The following MYO3B variants were observed in gnomAD, a reference collection of about 807,000 sequenced individuals.
MYO3B encodes myosin-IIIb.
Under a neutral mutation model 174.6 loss-of-function variants are expected in MYO3B, and 156 were observed. The ratio of observed to expected loss-of-function variants is 0.89; its 90% confidence interval spans 0.78 to 1.02. The LOEUF is 1.02. MYO3B is among the 50% of genes least tolerant of loss of function. The pLI is 0.00. For missense variants in MYO3B, 1,632 were observed against 1,639.4 expected (o/e 1.00, Z 0.08); for synonymous variants, 563 against 569.1 (o/e 0.99, Z 0.15).
In MYO3B at chr2:170,278,961, C is replaced by A. The variant is rs543600781; in HGVS notation, c.749+42825C>A. Among the ~76,000 whole-genome samples the A allele has an allele frequency of 5.9e-5, 9 of 152,134 alleles. No homozygotes were observed. In the South Asian group the frequency reaches 1.7e-3, roughly 28 times the overall value. On this transcript the variant is annotated intron_variant, in intron 7 of 34. Transcript: ENST00000408978. ...CTACTGCAAGTGACAGGATTTTATT[C>A]TTTTTTTATGGCAGAATAATATTCC...
intron 3 of MYO3B, among the ~76,000 whole-genome samples, chr2:170,207,180 C>G (rs2092721801): frequency 6.6e-6 from 1 of 152,048 alleles, no homozygotes; most frequent in Non-Finnish European, 1.5e-5. Flanking sequence ...ACAGACACCC[C>G]CCTCCCAGAG....
At position 170,383,208 on chromosome 2, in the gene MYO3B, G is replaced by A; in HGVS notation, c.1185+19G>A. The stretch of plus-strand genomic sequence containing the variant: ...TCCACAGGTAAGGGATGTTTTAAGA[G>A]CATACTGCTCCTTAATAGGAAATTA... On this transcript the variant is annotated intron_variant, in intron 11 of 34. Coordinates refer to ENST00000408978, the MANE Select transcript of MYO3B (RefSeq NM_138995.5). 1.4e-6 allele frequency: 2 copies of A among 1,402,714 alleles called. No individual in the cohort carries two copies. Among genetic ancestry groups the A allele is most frequent in the South Asian group, 1.2e-5 (1 of 85,628 alleles). 86.9% of individuals were successfully genotyped at this position (1,402,714 alleles called of 1,614,324 possible).
In MYO3B at chr2:170,200,188, G is replaced by T. The variant is rs775392274; in HGVS notation, c.225G>T (p.Leu75Phe). 3.2e-5 allele frequency: 51 copies of T among 1,613,332 alleles called. 1 individual carries two copies. The South Asian group carries it at 4.5e-4, about 14-fold the overall frequency. Residue 75 changes from leucine to phenylalanine, a missense_variant, in exon 3 of 35, where the codon TTG becomes TTT. By Grantham distance (22) the Leu-to-Phe change is conservative. Coordinates refer to ENST00000408978, the MANE Select transcript of MYO3B (RefSeq NM_138995.5). ...DEEIEAEYNILQFLPNHPNVV... is the reference protein window; with the variant it reads ...DEEIEAEYNIFQFLPNHPNVV... Reference sequence around the variant, plus strand: ...AAATTGAGGCAGAATACAACATTTTGCAGTTCCTTCCTAATCATCCCAATG... The same window carrying T: ...AAATTGAGGCAGAATACAACATTTTTCAGTTCCTTCCTAATCATCCCAATG...
intron 28 of MYO3B, among the ~76,000 whole-genome samples, chr2:170,503,929 T>C (rs956598756): frequency 6.6e-6 from 1 of 152,232 alleles, no homozygotes; most frequent in East Asian, 1.9e-4. Context: ...TAGCAATCTT[T>C]GCAATTTTAT....
At chr2:170,216,169 T>A (rs1320089929) in intron 5 of MYO3B, among the ~76,000 whole-genome samples, 1 of 152,118 alleles carries the variant, frequency 6.6e-6, no homozygotes, top group Non-Finnish European at 1.5e-5. Flanking sequence ...AAATCTATGC[T>A]CATGTTTCAA....
intron 32 of MYO3B, among the ~76,000 whole-genome samples, chr2:170,611,667 C>T (rs1182248538): frequency 6.6e-6 from 1 of 152,150 alleles, no homozygotes; most frequent in Non-Finnish European, 1.5e-5. Flanking sequence ...AAAAAGAAGA[C>T]AGCATGTTAA....
At chr2:170,275,181 T>C (rs1326789764) in intron 7 of MYO3B, among the ~76,000 whole-genome samples, 1 of 152,200 alleles carries the variant, frequency 6.6e-6, no homozygotes, top group Non-Finnish European at 1.5e-5. Flanking sequence ...GATTATACTC[T>C]CCTGAGCAGG....
At chr2:170,405,156 G>A (rs1437111021) in intron 20 of MYO3B, among the ~76,000 whole-genome samples, 7 of 152,208 alleles carry the variant, frequency 4.6e-5, no homozygotes, top group Non-Finnish European at 1.0e-4. Flanking sequence ...TTGTGGCAGA[G>A]ATTCACTTTT....
intron 6 of MYO3B, among the ~76,000 whole-genome samples, chr2:170,221,682 G>C (rs1441953522): frequency 6.6e-6 from 1 of 152,140 alleles, no homozygotes; most frequent in Non-Finnish European, 1.5e-5. Context: ...AATACTACTG[G>C]GGAAATAAAT....
intron 33 of MYO3B, 143 bp from the exon 34 acceptor site, chr2:170,651,965 C>T: frequency 1.2e-6 from 1 of 819,630 alleles, no homozygotes. Context: ...ATCAGGCTCA[C>T]TTGAGCCCTT....
At chr2:170,629,465 C>T (rs371966932) in intron 32 of MYO3B, among the ~76,000 whole-genome samples, 1 of 152,340 alleles carries the variant, frequency 6.6e-6, no homozygotes, top group African/African-American at 2.4e-5. Context: ...AAAGTACCAT[C>T]ACCATCTAAA....
At chr2:170,487,407 C>T (rs1373021475) in intron 25 of MYO3B, among the ~76,000 whole-genome samples, 2 of 152,164 alleles carry the variant, frequency 1.3e-5, no homozygotes, top group Non-Finnish European at 2.9e-5. Context: ...GCTTTGCTTA[C>T]TCGTGTCATT....
chr2:170,581,318 T>C (rs912069505), intron 32 of MYO3B, among the ~76,000 whole-genome samples: 1 of 152,238 alleles, frequency 6.6e-6, no homozygotes, highest in African/African-American at 2.4e-5. Flanking sequence ...CGTATTCATG[T>C]CCTTTGTCCA....
chr2:170,255,501 A>C (rs564666104), intron 7 of MYO3B, among the ~76,000 whole-genome samples: 4 of 152,308 alleles, frequency 2.6e-5, no homozygotes, highest in African/African-American at 9.6e-5. Flanking sequence ...TTCAGCACCC[A>C]ACACCTGTGA....
At chr2:170,454,971 A>G (rs762221656) in intron 23 of MYO3B, among the ~76,000 whole-genome samples, 5 of 152,186 alleles carry the variant, frequency 3.3e-5, no homozygotes, top group Non-Finnish European at 4.4e-5. Context: ...TGAGGCCACA[A>G]GACCAGATGA....
At chr2:170,633,713 A>T (rs1418964655) in intron 32 of MYO3B, among the ~76,000 whole-genome samples, 1 of 152,188 alleles carries the variant, frequency 6.6e-6, no homozygotes, top group Non-Finnish European at 1.5e-5. Flanking sequence ...ATATTTAGAA[A>T]ACCCCATTGT....
intron 1 of MYO3B, among the ~76,000 whole-genome samples, chr2:170,198,272 C>T (rs1188501633): frequency 6.6e-6 from 1 of 152,172 alleles, no homozygotes. Flanking sequence ...AAGGGCAGTC[C>T]ACCCAGCTAG....
rs558170665 is a variant in MYO3B at position 170,472,693 on chromosome 2, T to C, written c.3014+5982T>C. 3.1e-3 allele frequency among the ~76,000 whole-genome samples: 470 copies of C among 150,512 alleles called. 4 individuals are homozygous for C. The highest frequency in any genetic ancestry group is 5.3e-3 in the Non-Finnish European group (357 of 67,616). Reference sequence around the variant, plus strand: ...TTTATCTATTTATTTATTTATTTATTTATTTATTTATTTATTTATTTATTT... The same window carrying C: ...TTTATCTATTTATTTATTTATTTATCTATTTATTTATTTATTTATTTATTT... On this transcript the variant is annotated intron_variant, in intron 25 of 34. Coordinates refer to ENST00000408978, the MANE Select transcript of MYO3B (RefSeq NM_138995.5).
chr2:170,358,913 TCTC>T (rs2094141819), intron 8 of MYO3B, among the ~76,000 whole-genome samples: 1 of 152,162 alleles, frequency 6.6e-6, no homozygotes, highest in Admixed American at 6.5e-5. Flanking sequence ...TATTTTCGCT[TCTC>T]CTTGTCTTTG....
Sources: allele counts gnomAD v4.1 joint callset (sites outside exome capture counted in the v4.1 genomes callset), GRCh38; gene constraint gnomAD v4.1.1; transcripts MANE v1.5; gene names NCBI Gene and HGNC (gene_info 2026-07-23, HGNC 2026-07-21).